The following CTIF variants were observed in gnomAD, a reference collection of about 807,000 sequenced individuals.
CTIF encodes cap binding complex dependent translation initiation factor, also known as CBP80/20-dependent translation initiation factor.
In CTIF, 21 loss-of-function variants were observed where a neutral mutation model predicts 66.0. That is an observed-to-expected ratio of 0.32 (90% CI 0.23 to 0.46). The LOEUF (loss-of-function observed/expected upper bound fraction) is 0.46, where lower values mean the gene tolerates loss of function less well. CTIF is among the 20% of genes least tolerant of loss of function. The pLI is 1.00. For missense variants in CTIF, 739 were observed against 812.7 expected (o/e 0.91, Z 1.10); for synonymous variants, 345 against 326.4 (o/e 1.06, Z -0.62).
At chr18:48,668,432 T>A (rs918497182) in intron 5 of CTIF, among the ~76,000 whole-genome samples, 6 of 152,174 alleles carry the variant, frequency 3.9e-5, no homozygotes, top group African/African-American at 1.2e-4. Context: ...ACCAGGCAGA[T>A]TGATGAGTTA....
At chr18:48,827,004 G>A (rs1038222638) in intron 10 of CTIF, among the ~76,000 whole-genome samples, 1 of 152,136 alleles carries the variant, frequency 6.6e-6, no homozygotes. Context: ...GGGGGAAATG[G>A]GGAAAGCCTC....
At chr18:48,718,200 A>G (rs1012988349) in intron 7 of CTIF, among the ~76,000 whole-genome samples, 1 of 152,172 alleles carries the variant, frequency 6.6e-6, no homozygotes, top group African/African-American at 2.4e-5. Flanking sequence ...CTGTTTGGCA[A>G]TCTCTTTTGG....
At chr18:48,667,127 T>C (rs193227030) in intron 5 of CTIF, among the ~76,000 whole-genome samples, 1 of 139,950 alleles carries the variant, frequency 7.1e-6, no homozygotes, top group Non-Finnish European at 1.6e-5. Context: ...GAGTATACAA[T>C]ACAGTCCCTG....
chr18:48,669,737 TAATA>T (rs1180001570), intron 5 of CTIF, among the ~76,000 whole-genome samples: 2 of 120,638 alleles, frequency 1.7e-5, no homozygotes, highest in Non-Finnish European at 3.5e-5. Context: ...ATACAGATAA[TAATA>T]CATACACAAG....
intron 6 of CTIF, among the ~76,000 whole-genome samples, chr18:48,687,149 G>A (rs1387972420): frequency 6.6e-6 from 1 of 152,062 alleles, no homozygotes; most frequent in Non-Finnish European, 1.5e-5. Flanking sequence ...GGGAGTCGGG[G>A]ATAAAGCGAT....
chr18:48,717,402 AAAATAAATAAATAAATAAAT>A (rs145983579), intron 7 of CTIF, among the ~76,000 whole-genome samples: 14 of 144,932 alleles, frequency 9.7e-5, no homozygotes, highest in East Asian at 8.2e-4. Context: ...CTGTCTTTAA[AAAATAAATAAATAAATAAAT>A]AAATAAATAA....
intron 10 of CTIF, among the ~76,000 whole-genome samples, chr18:48,827,787 G>T (rs181211001): frequency 1.6e-3 from 248 of 152,152 alleles, no homozygotes; most frequent in African/African-American, 5.8e-3. Flanking sequence ...TGTAACCTCC[G>T]CCGAAATAAC....
At position 48,794,543 on chromosome 18, in the gene CTIF, A is replaced by T. The variant is rs114201083; in HGVS notation, c.1372-22678A>T. On this transcript the variant is annotated intron_variant, in intron 9 of 11. Transcript: ENST00000256413. ...GGGTGGCTCTGGCTGAGTAGTGGGG[A>T]TTGACATTTCAGTAGCCAACTGCCT... Among the ~76,000 whole-genome samples, 921 of 152,194 alleles carry T rather than the reference A, an allele frequency of 6.1e-3. 8 individuals are homozygous for T. The highest frequency in any genetic ancestry group is 0.02 in the African/African-American group (823 of 41,514).
chr18:48,650,436 A>C lies in CTIF; in HGVS notation c.253-13316A>C, dbSNP rs565049416. On this transcript the variant is annotated intron_variant, in intron 3 of 11. Transcript: ENST00000256413. Reference sequence around the variant, plus strand: ...AGAAGAGAAGTTTAGAGAAAAAAGAATAAAAAGAAACAAACAAAGCCTCCA... The same window carrying C: ...AGAAGAGAAGTTTAGAGAAAAAAGACTAAAAAGAAACAAACAAAGCCTCCA... Among the ~76,000 whole-genome samples, 10 of 152,318 alleles carry C rather than the reference A, an allele frequency of 6.6e-5. 1 individual carries two copies. The highest frequency in any genetic ancestry group is 2.2e-4 in the African/African-American group (9 of 41,578).
At chr18:48,576,604 T>C (rs1375769221) in intron 1 of CTIF, among the ~76,000 whole-genome samples, 1 of 152,220 alleles carries the variant, frequency 6.6e-6, no homozygotes, top group Non-Finnish European at 1.5e-5. Context: ...AGATTCGCTG[T>C]GCCAGCCGGG....
rs114070243 is a variant in CTIF at position 48,713,824 on chromosome 18, C to T, written c.584+2129C>T. ...ACAGAGTTTTCAGCTAGACCGAAGA[C>T]AGACTTATGGAGCAAACATCTTGAC... On this transcript the variant is annotated intron_variant, in intron 7 of 11. Transcript: ENST00000256413. 4.9e-3 allele frequency among the ~76,000 whole-genome samples: 747 copies of T among 152,334 alleles called. 4 individuals are homozygous for T. The highest frequency in any genetic ancestry group is 0.016 in the African/African-American group (671 of 41,568).
chr18:48,618,024 G>A (rs528484570), intron 1 of CTIF, among the ~76,000 whole-genome samples: 10 of 152,276 alleles, frequency 6.6e-5, no homozygotes, highest in South Asian at 2.1e-4. Flanking sequence ...TCCTTCCCCC[G>A]GGCAGTTCTT....
intron 10 of CTIF, among the ~76,000 whole-genome samples, chr18:48,841,036 AGT>A (rs2068928301): frequency 6.6e-6 from 1 of 152,168 alleles, no homozygotes; most frequent in South Asian, 2.1e-4. Flanking sequence ...GGAGTGGGCC[AGT>A]GTGTCCCTTT....
intron 6 of CTIF, among the ~76,000 whole-genome samples, chr18:48,695,949 T>G (rs538798970): frequency 2.6e-5 from 4 of 152,392 alleles, no homozygotes; most frequent in African/African-American, 9.6e-5. Context: ...AAGCCTGGTC[T>G]TGCTGTCTCC....
At chr18:48,631,534 G>GTT (rs35530166) in intron 2 of CTIF, among the ~76,000 whole-genome samples, 9 of 152,172 alleles carry the variant, frequency 5.9e-5, no homozygotes, top group East Asian at 1.9e-4. Flanking sequence ...TATTTTCATT[G>GTT]TTTTTTATTG....
chr18:48,559,010 C>T (rs1474577641), intron 1 of CTIF, among the ~76,000 whole-genome samples: 1 of 152,176 alleles, frequency 6.6e-6, no homozygotes, highest in African/African-American at 2.4e-5. Flanking sequence ...TCACCTGTAG[C>T]ACTGGACTCA....
chr18:48,819,998 G>A (rs144748285), intron 10 of CTIF, among the ~76,000 whole-genome samples: 8 of 152,338 alleles, frequency 5.3e-5, no homozygotes, highest in East Asian at 1.9e-4. Context: ...CCCGGGGCAC[G>A]GCGTCTGGCA....
intron 10 of CTIF, among the ~76,000 whole-genome samples, chr18:48,836,703 C>T (rs1241525049): frequency 6.6e-6 from 1 of 152,252 alleles, no homozygotes; most frequent in African/African-American, 2.4e-5. Flanking sequence ...GGCCTTCCTC[C>T]TCCACTCCTC....
intron 7 of CTIF, among the ~76,000 whole-genome samples, chr18:48,745,604 G>A (rs1332655982): frequency 2.0e-5 from 3 of 152,142 alleles, no homozygotes; most frequent in African/African-American, 4.8e-5. Context: ...GCCTTTCATT[G>A]ACTTTTAACT....
Sources: gnomAD v4.1 joint callset for allele counts (sites outside exome capture counted in the v4.1 genomes callset) on GRCh38, gnomAD v4.1.1 for gene constraint, MANE v1.5 for transcripts, NCBI Gene and HGNC (gene_info 2026-07-23, HGNC 2026-07-21) for gene names.